Variants in GRID2 observed in about 807,000 individuals in gnomAD.
GRID2 encodes glutamate ionotropic receptor delta type subunit 2.
A neutral mutation model predicts 114.8 loss-of-function variants in GRID2; 33 were observed. That is an observed-to-expected ratio of 0.29 (90% CI 0.22 to 0.38). The LOEUF (loss-of-function observed/expected upper bound fraction) is 0.38. Among genes scored for constraint, GRID2 ranks in the 10% least tolerant of loss-of-function variants. The pLI is 1.00. For missense variants in GRID2, 1,184 were observed against 1,257.7 expected, an observed-to-expected ratio of 0.94 and a Z score of 0.89; for synonymous variants, 505 against 449.9, an observed-to-expected ratio of 1.12 and a Z score of -1.55.
At chr4:92,971,904 T>A (rs1560758063) in intron 2 of GRID2, among the ~76,000 whole-genome samples, 1 of 152,162 alleles carries the variant, frequency 6.6e-6, no homozygotes, top group Non-Finnish European at 1.5e-5. Context: ...TTCTATTGTG[T>A]ATATGTACCA....
At chr4:93,497,656 T>A (rs1443988970) in intron 12 of GRID2, among the ~76,000 whole-genome samples, 1 of 151,510 alleles carries the variant, frequency 6.6e-6, no homozygotes, top group Non-Finnish European at 1.5e-5. Context: ...AAAAAAAAAA[T>A]CTGTTGGCCA....
chr4:92,885,101 G>A, intron 2 of GRID2: 1 of 317,216 alleles, frequency 3.2e-6, no homozygotes, highest in Admixed American at 4.6e-5. Context: ...TAAAAAAACT[G>A]TTAAAATTTA....
chr4:92,997,721 A>G (rs1227648079), intron 2 of GRID2, among the ~76,000 whole-genome samples: 4 of 152,130 alleles, frequency 2.6e-5, no homozygotes, highest in African/African-American at 7.2e-5. Flanking sequence ...TTATAAAATA[A>G]TGGTTTTCAA....
intron 11 of GRID2, 94 bp from the exon 12 acceptor site, chr4:93,490,545 A>C: frequency 4.0e-4 from 300 of 756,494 alleles, no homozygotes; most frequent in Non-Finnish European, 6.2e-4. Context: ...AATTCTCACT[A>C]CTTGCAAGTT....
chr4:93,533,259 TTCCTTCCTTCCTTC>T (rs1731650750), intron 13 of GRID2, among the ~76,000 whole-genome samples: 1 of 33,862 alleles, frequency 3.0e-5, no homozygotes, highest in Non-Finnish European at 8.4e-5. Context: ...CCTTCCTTCC[TTCCTTCCTTCCTTC>T]CTTCCTTCCT....
chr4:92,968,231 A>G (rs2149166830), intron 2 of GRID2, among the ~76,000 whole-genome samples: 1 of 152,046 alleles, frequency 6.6e-6, no homozygotes, highest in Non-Finnish European at 1.5e-5. Flanking sequence ...CCTCTAAGGT[A>G]GATACAATCT....
intron 8 of GRID2, among the ~76,000 whole-genome samples, chr4:93,242,524 G>T (rs1236546220): frequency 2.0e-5 from 3 of 152,004 alleles, no homozygotes; most frequent in South Asian, 4.1e-4. Context: ...AAGAACATTG[G>T]CAAGGCAATG....
intron 7 of GRID2, among the ~76,000 whole-genome samples, chr4:93,228,884 T>C (rs1745799277): frequency 6.6e-6 from 1 of 152,184 alleles, no homozygotes; most frequent in Non-Finnish European, 1.5e-5. Flanking sequence ...GACACCATAA[T>C]ATGTCAGTAT....
chr4:92,341,797 C>A (rs1727504146), intron 1 of GRID2, among the ~76,000 whole-genome samples: 1 of 151,820 alleles, frequency 6.6e-6, no homozygotes, highest in Non-Finnish European at 1.5e-5. Context: ...CGCCTGTAGT[C>A]CCAGCTTCTT....
chr4:92,600,603 G>A (rs1359243874), intron 2 of GRID2, among the ~76,000 whole-genome samples: 3 of 152,128 alleles, frequency 2.0e-5, no homozygotes, highest in African/African-American at 7.2e-5. Context: ...GCTGCCTTCT[G>A]TTGTTTGTTT....
At chr4:93,381,252 G>A (rs955855592) in intron 8 of GRID2, among the ~76,000 whole-genome samples, 2 of 151,872 alleles carry the variant, frequency 1.3e-5, no homozygotes, top group African/African-American at 4.8e-5. Context: ...TGTCCAGCCC[G>A]TGGCAACTGC....
chr4:93,553,450 A>G (rs1733983458), intron 13 of GRID2, among the ~76,000 whole-genome samples: 1 of 152,176 alleles, frequency 6.6e-6, no homozygotes, highest in South Asian at 2.1e-4. Context: ...AGAGGTTTAT[A>G]CGTATTATAG....
At chr4:93,335,347 T>G (rs746553129) in intron 8 of GRID2, among the ~76,000 whole-genome samples, 5 of 152,150 alleles carry the variant, frequency 3.3e-5, no homozygotes, top group Admixed American at 6.6e-5. Context: ...ATACTTCCGG[T>G]GTGCGGTGGG....
chr4:93,137,413 G>A (rs528138973), intron 4 of GRID2, among the ~76,000 whole-genome samples: 16 of 152,214 alleles, frequency 1.1e-4, no homozygotes, highest in Non-Finnish European at 1.9e-4. Flanking sequence ...TTATACGACT[G>A]CTGCTTGAGA....
chr4:92,411,470 C>A (rs1469446791), intron 1 of GRID2, among the ~76,000 whole-genome samples: 1 of 151,522 alleles, frequency 6.6e-6, no homozygotes, highest in Admixed American at 6.6e-5. Context: ...TTATTCTTAA[C>A]GTTCTTTCAT....
At chr4:92,710,900 GA>G (rs1469852226) in intron 2 of GRID2, among the ~76,000 whole-genome samples, 1 of 149,870 alleles carries the variant, frequency 6.7e-6, no homozygotes, top group Admixed American at 6.7e-5. Flanking sequence ...TAACCATGAT[GA>G]AAAAACTAGC....
At chr4:93,350,229 G>C (rs1760666566) in intron 8 of GRID2, among the ~76,000 whole-genome samples, 1 of 152,212 alleles carries the variant, frequency 6.6e-6, no homozygotes, top group East Asian at 1.9e-4. Context: ...AAACTTCTTA[G>C]CGTTATCCAT....
chr4:92,686,852 T>A (rs1200386544), intron 2 of GRID2, among the ~76,000 whole-genome samples: 1 of 152,142 alleles, frequency 6.6e-6, no homozygotes, highest in East Asian at 1.9e-4. Flanking sequence ...CTACTTTAAA[T>A]TAAAAAGTAG....
At chr4:93,380,923 T>C (rs1560561555) in intron 8 of GRID2, among the ~76,000 whole-genome samples, 1 of 152,050 alleles carries the variant, frequency 6.6e-6, no homozygotes. Context: ...TCAATTAGGG[T>C]AAGAGGATTG....
Sources: allele counts gnomAD v4.1 joint callset (sites outside exome capture counted in the v4.1 genomes callset), GRCh38; gene constraint gnomAD v4.1.1; transcripts MANE v1.5; gene names NCBI Gene and HGNC (gene_info 2026-07-23, HGNC 2026-07-21).